The following C2orf78 variants were observed in gnomAD, a reference collection of about 807,000 sequenced individuals.
The protein encoded by C2orf78 is chromosome 2 open reading frame 78, also known as uncharacterized protein C2orf78.
In C2orf78, 12 loss-of-function variants were observed where a neutral mutation model predicts 21.4. The ratio of observed to expected loss-of-function variants is 0.56; its 90% confidence interval spans 0.36 to 0.91. The LOEUF is 0.91. Ranked by LOEUF, C2orf78 falls within the 40% of genes least tolerant of loss-of-function variation. The probability of loss-of-function intolerance (pLI) is 0.01; values close to 1 mark genes in which losing one functional copy is unlikely to be tolerated. For synonymous variants in C2orf78, 396 were observed against 413.9 expected, an observed-to-expected ratio of 0.96 and a Z score of 0.52; for missense variants, 1,042 against 1,092.4, an observed-to-expected ratio of 0.95 and a Z score of 0.65.
chr2:73,814,232 T>G lies in C2orf78; in HGVS notation c.847+6T>G. The G allele has an allele frequency of 6.4e-7, 1 of 1,551,206 alleles. No homozygotes were observed. The highest frequency in any genetic ancestry group is 1.2e-5 in the South Asian group (1 of 82,230). Reference sequence around the variant, plus strand: ...CACAGAAACCAGTGTTCAAGGTGAGTACAAACATCAAGAAAGGAGAGGAAT... The same window carrying G: ...CACAGAAACCAGTGTTCAAGGTGAGGACAAACATCAAGAAAGGAGAGGAAT... On this transcript the variant is annotated splice_donor_region_variant and intron_variant, in intron 2 of 2. Coordinates refer to ENST00000409561, the Ensembl canonical transcript of C2orf78.
chr2:73,816,212 A>C, exon 3 of C2orf78: 1 of 1,613,894 alleles, frequency 6.2e-7, no homozygotes. Flanking sequence ...GCAACACCCA[A>C]AACCGCCAGC....
chr2:73,813,838 C>T, exon 2 of C2orf78: 1 of 1,613,982 alleles, frequency 6.2e-7, no homozygotes, highest in East Asian at 2.2e-5. Context: ...TTGATCAGAA[C>T]ACAGCTGTCT....
intron 1 of C2orf78, among the ~76,000 whole-genome samples, chr2:73,810,060 A>T (rs115954447): frequency 1.8e-4 from 28 of 152,270 alleles, no homozygotes; most frequent in African/African-American, 6.7e-4. Flanking sequence ...TTCAAAATAG[A>T]GCAAAATGAA....
At chr2:73,810,434 G>A (rs985391596) in intron 1 of C2orf78, among the ~76,000 whole-genome samples, 8 of 151,228 alleles carry the variant, frequency 5.3e-5, no homozygotes, top group African/African-American at 1.9e-4. Context: ...GGCTGAGGCA[G>A]GAGAATCGTT....
chr2:73,810,629 A>T (rs1348677298), intron 1 of C2orf78, among the ~76,000 whole-genome samples: 1 of 125,630 alleles, frequency 8.0e-6, no homozygotes, highest in African/African-American at 2.8e-5. Context: ...TATACATAAT[A>T]TATATATGTA....
At chr2:73,817,141 A>T in exon 3 of C2orf78, 5 of 729,068 alleles carry the variant, frequency 6.9e-6, no homozygotes, top group Non-Finnish European at 9.7e-6. Context: ...AGGCCTTTTG[A>T]GTTTTGAGAT....
chr2:73,810,394 G>C (rs997370525), intron 1 of C2orf78, among the ~76,000 whole-genome samples: 1 of 151,490 alleles, frequency 6.6e-6, no homozygotes, highest in Non-Finnish European at 1.5e-5. Flanking sequence ...GGGCATGGTG[G>C]CACATGCCTG....
chr2:73,816,300 A>C (rs367617923), exon 3 of C2orf78: 2 of 1,613,798 alleles, frequency 1.2e-6, no homozygotes, highest in African/African-American at 2.7e-5. Flanking sequence ...CAAGGCCCAG[A>C]AACTAGATGG....
At chr2:73,811,770 T>C (rs1351448585) in intron 1 of C2orf78, among the ~76,000 whole-genome samples, 2 of 152,150 alleles carry the variant, frequency 1.3e-5, no homozygotes, top group African/African-American at 4.8e-5. Flanking sequence ...GATTATAATC[T>C]AGGTTTTGAG....
At chr2:73,813,626 T>C in exon 2 of C2orf78, 1 of 1,614,044 alleles carries the variant, frequency 6.2e-7, no homozygotes, top group Non-Finnish European at 8.5e-7. Flanking sequence ...GCTACAGCCA[T>C]CAGCCTCTGG....
At chr2:73,815,470 C>G in exon 3 of C2orf78, 1 of 1,613,844 alleles carries the variant, frequency 6.2e-7, no homozygotes, top group Non-Finnish European at 8.5e-7. Flanking sequence ...TCTGAAAATG[C>G]CAATCTAAGA....
At chr2:73,786,369 A>G (rs531164384) in intron 1 of C2orf78, among the ~76,000 whole-genome samples, 1 of 148,886 alleles carries the variant, frequency 6.7e-6, no homozygotes, top group Non-Finnish European at 1.5e-5. Context: ...ACAGAGCGAG[A>G]CTCCATCTAA....
rs1218503085 is a variant in C2orf78, at chr2:73,811,713, GT to G, written c.98-1755del. On this transcript the variant is annotated intron_variant, in intron 1 of 2. Coordinates refer to ENST00000409561, the Ensembl canonical transcript of C2orf78. ...ATTTTTTAATTGGATTCTAGCAGTTGTTTTTTTTTAAGCTATGGGAATGTCA... is the reference window on the plus strand; with the variant it reads ...ATTTTTTAATTGGATTCTAGCAGTTGTTTTTTTTAAGCTATGGGAATGTCA... Among the ~76,000 whole-genome samples, 3 of 150,836 alleles carry G rather than the reference GT, an allele frequency of 2.0e-5. No homozygotes were observed. In the South Asian group the frequency reaches 6.3e-4, roughly 32 times the overall value.
exon 3 of C2orf78, chr2:73,816,468 G>A: frequency 6.2e-7 from 1 of 1,613,900 alleles, no homozygotes; most frequent in Non-Finnish European, 8.5e-7. Flanking sequence ...GCCTGCTGTG[G>A]CTTACCCTGC....
Position 73,813,906 on chromosome 2 carries a change from C to G in C2orf78, c.527C>G (p.Pro176Arg), listed in dbSNP as rs754206750. 5 of 1,614,024 alleles carry G rather than the reference C, an allele frequency of 3.1e-6. No homozygotes were observed. In the Middle Eastern group the frequency reaches 4.9e-4, roughly 160 times the overall value. The change falls in exon 2 of 3, where the codon CCT becomes CGT. Residue 176 changes from proline (P) to arginine (R), a missense_variant. By Grantham distance (103) the Pro-to-Arg change is moderately radical. This residue lies in a region of C2orf78 where 1,039 missense variants were observed against 1,069.7 expected (regional missense o/e 0.97). Transcript: ENST00000409561. The stretch of plus-strand genomic sequence containing the variant: ...ACTTCAGATACCAATACTATGGTCC[C>G]TCTGTATCCATCACTATCTGCCAGC...
chr2:73,813,194 G>A (rs952078822), intron 1 of C2orf78, among the ~76,000 whole-genome samples: 1 of 152,168 alleles, frequency 6.6e-6, no homozygotes. Context: ...GGAAAGATAG[G>A]GAAGGGAGAA....
At chr2:73,813,773 A>G in exon 2 of C2orf78, 1 of 1,614,046 alleles carries the variant, frequency 6.2e-7, no homozygotes, top group Non-Finnish European at 8.5e-7. Context: ...GTGGGATAGT[A>G]CAGCAAGCAC....
chr2:73,814,947 G>T, intron 2 of C2orf78, 124 bp from the exon 3 acceptor site: 1 of 850,000 alleles, frequency 1.2e-6, no homozygotes, highest in Non-Finnish European at 1.8e-6. Flanking sequence ...TCTTGCCCAT[G>T]GTCCTTAAGA....
chr2:73,810,474 C>T (rs1412167887), intron 1 of C2orf78, among the ~76,000 whole-genome samples: 1 of 149,766 alleles, frequency 6.7e-6, no homozygotes, highest in Admixed American at 6.7e-5. Context: ...TTGCAGTGAG[C>T]CTAGATCATG....
Sources: gnomAD v4.1 joint callset for allele counts (sites outside exome capture counted in the v4.1 genomes callset) on GRCh38, gnomAD v4.1.1 for gene constraint, gnomAD v4.1.1 regional missense constraint, MANE v1.5 for transcripts, NCBI Gene and HGNC (gene_info 2026-07-23, HGNC 2026-07-21) for gene names.